The following COLEC12 variants were observed in gnomAD, a reference collection of about 807,000 sequenced individuals.
COLEC12 encodes collectin subfamily member 12, also known as collectin-12.
In COLEC12, 33 loss-of-function variants were observed where a neutral mutation model predicts 71.1. That is an observed-to-expected ratio of 0.46 (90% CI 0.35 to 0.62). COLEC12 has a LOEUF of 0.62. COLEC12 is among the 20% of genes least tolerant of loss of function. The pLI is 0.00. For synonymous variants in COLEC12, 350 were observed against 353.0 expected, an observed-to-expected ratio of 0.99 and a Z score of 0.10; for missense variants, 765 against 916.1, an observed-to-expected ratio of 0.84 and a Z score of 2.13.
chr18:487,677 C>A (rs1033159650), intron 1 of COLEC12, among the ~76,000 whole-genome samples: 1 of 152,060 alleles, frequency 6.6e-6, no homozygotes, highest in African/African-American at 2.4e-5. Flanking sequence ...ATGCTCAGAC[C>A]CTGAGTCCTC....
chr18:321,855 C>A (rs751729694), intron 8 of COLEC12, 48 bp from the exon 9 acceptor site: 2 of 1,551,036 alleles, frequency 1.3e-6, no homozygotes, highest in Non-Finnish European at 1.8e-6. Flanking sequence ...TAATGCAGAG[C>A]TTTTCTTTAC....
chr18:348,881 TC>T (rs1914443274), intron 3 of COLEC12, among the ~76,000 whole-genome samples: 1 of 152,144 alleles, frequency 6.6e-6, no homozygotes, highest in African/African-American at 2.4e-5. Context: ...TTTGGCTGTG[TC>T]CCCACCCAAA....
intron 2 of COLEC12, among the ~76,000 whole-genome samples, chr18:469,592 G>A (rs1917154161): frequency 6.6e-6 from 1 of 152,106 alleles, no homozygotes; most frequent in South Asian, 2.1e-4. Flanking sequence ...CAAGAAAAGG[G>A]AACTGCTGAA....
chr18:395,856 T>C (rs560022849), intron 2 of COLEC12, among the ~76,000 whole-genome samples: 22 of 152,330 alleles, frequency 1.4e-4, no homozygotes, highest in Admixed American at 1.2e-3. Flanking sequence ...AAAGCACATG[T>C]CACATCTGCT....
chr18:349,702 T>G (rs1239029621), intron 3 of COLEC12, among the ~76,000 whole-genome samples: 1 of 152,126 alleles, frequency 6.6e-6, no homozygotes, highest in African/African-American at 2.4e-5. Context: ...GGGGTGGAGC[T>G]GCCCAAGACC....
In COLEC12 at chr18:489,656, T is replaced by TG. The variant is rs569666959; in HGVS notation, c.8-8900dup. Among the ~76,000 whole-genome samples the TG allele has an allele frequency of 3.3e-3, 502 of 151,974 alleles. 3 individuals are homozygous for TG. Among genetic ancestry groups the TG allele is most frequent in the Non-Finnish European group, 5.1e-3 (345 of 67,964 alleles). On this transcript the variant is annotated intron_variant, in intron 1 of 9. Transcript: ENST00000400256. ...AATAGCAAGAGGATTATTAACTTCG[T>TG]GGGGGGGAAACAAAAAGCTATGCAA...
chr18:453,858 C>T (rs1219656409), intron 2 of COLEC12, among the ~76,000 whole-genome samples: 1 of 152,070 alleles, frequency 6.6e-6, no homozygotes, highest in African/African-American at 2.4e-5. Context: ...AAAAGTCACC[C>T]TTAATCTCAC....
chr18:328,366 G>A (rs1188300215), intron 8 of COLEC12, among the ~76,000 whole-genome samples: 1 of 152,134 alleles, frequency 6.6e-6, no homozygotes, highest in South Asian at 2.1e-4. Flanking sequence ...AGACCCTTGA[G>A]AGCCTGAAGC....
At chr18:384,535 A>T (rs1288447156) in intron 2 of COLEC12, among the ~76,000 whole-genome samples, 2 of 152,208 alleles carry the variant, frequency 1.3e-5, no homozygotes, top group African/African-American at 4.8e-5. Flanking sequence ...GAGAAAATTG[A>T]ATTTCAGCTC....
At position 480,223 on chromosome 18, in the gene COLEC12, T is replaced by G. The variant is rs958595737; in HGVS notation, c.58+484A>C. Among the ~76,000 whole-genome samples, 1 of 152,178 alleles carries G rather than the reference T, an allele frequency of 6.6e-6. No homozygotes were observed. The highest frequency in any genetic ancestry group is 2.4e-5 in the African/African-American group (1 of 41,438). On this transcript the variant is annotated intron_variant, in intron 2 of 9. Coordinates refer to ENST00000400256, the MANE Select transcript of COLEC12 (RefSeq NM_130386.3). The surrounding 1 kb of genome is among the most constrained non-coding windows in gnomAD (Gnocchi z 4.1). ...AACATTCAGGTTTCAGGATTCAGGG[T>G]GCTGTCACCTTTGGGGGCCATTCCC...
chr18:486,734 T>G (rs1917525398), intron 1 of COLEC12, among the ~76,000 whole-genome samples: 1 of 152,152 alleles, frequency 6.6e-6, no homozygotes, highest in Admixed American at 6.5e-5. Flanking sequence ...TTTAGGAATT[T>G]GGGAATAAAG....
intron 2 of COLEC12, among the ~76,000 whole-genome samples, chr18:394,934 A>G (rs1469987054): frequency 6.6e-6 from 1 of 152,208 alleles, no homozygotes; most frequent in Non-Finnish European, 1.5e-5. Flanking sequence ...AAAACAAAAC[A>G]AAACAAAAAA....
At chr18:373,385 G>C (rs1445347220) in intron 2 of COLEC12, among the ~76,000 whole-genome samples, 1 of 152,182 alleles carries the variant, frequency 6.6e-6, no homozygotes, top group African/African-American at 2.4e-5. Context: ...GAAGTACATG[G>C]TGGGGAAAAA....
intron 5 of COLEC12, among the ~76,000 whole-genome samples, chr18:336,185 G>A (rs910271096): frequency 2.0e-5 from 3 of 152,128 alleles, no homozygotes; most frequent in Non-Finnish European, 2.9e-5. Flanking sequence ...GCATGCCTGT[G>A]CTGTCCACCA....
rs762793181 is a variant in COLEC12 at position 335,245 on chromosome 18, A to G, written c.1328-15T>C. The G allele has an allele frequency of 3.0e-5, 45 of 1,522,876 alleles. No individual in the cohort carries two copies. The highest frequency in any genetic ancestry group is 3.3e-5 in the Non-Finnish European group (38 of 1,151,104). The allele number at this position is 1,522,876 out of a possible 1,614,324, so 94.3% of individuals were successfully genotyped here. A position where few individuals can be genotyped will look rare whatever the true frequency, so the allele number is the denominator to read the frequency against. On this transcript the variant is annotated splice_polypyrimidine_tract_variant and intron_variant, in intron 5 of 9. Transcript: ENST00000400256. ...GCCCGGTGGACCTAAAGCATAAAAG[A>G]AAAAGGTGTCAACATGAAATCCACT...
At chr18:488,699 C>A (rs561405467) in intron 1 of COLEC12, among the ~76,000 whole-genome samples, 13 of 151,764 alleles carry the variant, frequency 8.6e-5, no homozygotes, top group Non-Finnish European at 1.8e-4. Flanking sequence ...ATGGTGAAAC[C>A]CCGTCTCTAC....
intron 3 of COLEC12, among the ~76,000 whole-genome samples, chr18:355,879 T>C (rs1053615483): frequency 6.6e-6 from 1 of 152,212 alleles, no homozygotes; most frequent in Non-Finnish European, 1.5e-5. Flanking sequence ...TTTAATAGCC[T>C]TCCTTAATCA....
intron 2 of COLEC12, among the ~76,000 whole-genome samples, chr18:453,527 G>C (rs1916804061): frequency 6.6e-6 from 1 of 152,088 alleles, no homozygotes; most frequent in Non-Finnish European, 1.5e-5. Flanking sequence ...CATAGGATTT[G>C]GATTTGTCAG....
intron 1 of COLEC12, among the ~76,000 whole-genome samples, chr18:490,461 T>G (rs890634952): frequency 6.6e-6 from 1 of 152,128 alleles, no homozygotes; most frequent in African/African-American, 2.4e-5. Context: ...CTCTGGGGAA[T>G]GGAAAATGAA....
Sources: gnomAD v4.1 joint callset for allele counts (sites outside exome capture counted in the v4.1 genomes callset) on GRCh38, gnomAD v4.1.1 for gene constraint, Gnocchi (gnomAD v3.1) non-coding constraint, MANE v1.5 for transcripts, NCBI Gene and HGNC (gene_info 2026-07-23, HGNC 2026-07-21) for gene names.